KDM4C: variants seen among roughly 807,000 people sequenced by gnomAD.
KDM4C encodes lysine-specific demethylase 4C.
A neutral mutation model predicts 129.3 loss-of-function variants in KDM4C; 81 were observed. The ratio of observed to expected loss-of-function variants is 0.63; its 90% CI spans 0.52 to 0.75. The LOEUF is 0.75. KDM4C is among the 30% of genes least tolerant of loss of function. KDM4C has a pLI of 0.00. For missense variants in KDM4C, 1,457 were observed against 1,304.0 expected (o/e 1.12, Z -1.81); for synonymous variants, 573 against 456.1 (o/e 1.26, Z -3.26).
At chr9:6,862,484 G>T (rs1481573203) in intron 5 of KDM4C, among the ~76,000 whole-genome samples, 2 of 152,074 alleles carry the variant, frequency 1.3e-5, no homozygotes, top group Non-Finnish European at 2.9e-5. Flanking sequence ...CTGTAAAGAA[G>T]CTGTACAGGT....
chr9:6,974,978 A>G (rs1032019549), intron 8 of KDM4C: 2 of 152,242 alleles, frequency 1.3e-5, no homozygotes, highest in African/African-American at 4.8e-5. Context: ...AATAATTTCT[A>G]CTGAATCTTT....
At chr9:7,065,352 A>G (rs1258609252) in intron 17 of KDM4C, among the ~76,000 whole-genome samples, 1 of 152,152 alleles carries the variant, frequency 6.6e-6, no homozygotes, top group Non-Finnish European at 1.5e-5. Flanking sequence ...AAGTAGTCAA[A>G]TAAATTGACT....
rs559314934 is a variant in KDM4C at position 6,758,578 on chromosome 9, C to G, written c.-18+375C>G. ...CGGCTGTGGCGGACTCCAGGAAGGCCGGGCCTGGTGCACCCCTCGGGGCCC... is the reference window on the plus strand; with the variant it reads ...CGGCTGTGGCGGACTCCAGGAAGGCGGGGCCTGGTGCACCCCTCGGGGCCC... On this transcript the variant is annotated intron_variant, in intron 1 of 21. Transcript: ENST00000381309. This position sits in a 1 kb window ranked among gnomAD's most constrained non-coding sequence, Gnocchi z 4.6. 1.3e-5 allele frequency among the ~76,000 whole-genome samples: 2 copies of G among 152,330 alleles called. No homozygotes were observed. Among genetic ancestry groups the G allele is most frequent in the Admixed American group, 1.3e-4 (2 of 15,302 alleles).
At chr9:6,932,777 T>TG (rs774108620) in intron 8 of KDM4C, among the ~76,000 whole-genome samples, 3 of 152,168 alleles carry the variant, frequency 2.0e-5, no homozygotes, top group Admixed American at 6.5e-5. Flanking sequence ...GATTGCATGA[T>TG]GGGGGAGGTG....
intron 1 of KDM4C, among the ~76,000 whole-genome samples, chr9:6,732,961 C>T (rs769537992): frequency 3.3e-5 from 5 of 151,470 alleles, no homozygotes; most frequent in Admixed American, 6.6e-5. Flanking sequence ...TGCAGTCAGC[C>T]GAGATCATGC....
At chr9:7,004,173 G>A (rs1214677974) in intron 12 of KDM4C, among the ~76,000 whole-genome samples, 1 of 152,194 alleles carries the variant, frequency 6.6e-6, no homozygotes, top group African/African-American at 2.4e-5. Context: ...CCTGGCAGCA[G>A]CCCTTTCACA....
At chr9:6,791,597 GTAAAC>G (rs1259326445) in intron 1 of KDM4C, among the ~76,000 whole-genome samples, 5 of 152,224 alleles carry the variant, frequency 3.3e-5, no homozygotes, top group Non-Finnish European at 7.3e-5. Context: ...GCACACCTGA[GTAAAC>G]TAACGATTTT....
chr9:6,864,203 C>G (rs1418590957), intron 5 of KDM4C, among the ~76,000 whole-genome samples: 1 of 152,098 alleles, frequency 6.6e-6, no homozygotes, highest in Admixed American at 6.5e-5. Flanking sequence ...ATGGCAAATT[C>G]TCTCAGCTTT....
At chr9:6,830,335 G>A (rs1165191147) in intron 4 of KDM4C, among the ~76,000 whole-genome samples, 1 of 152,166 alleles carries the variant, frequency 6.6e-6, no homozygotes, top group Non-Finnish European at 1.5e-5. Flanking sequence ...AGGGTAGAGA[G>A]CAGCAGGTCT....
chr9:6,972,032 A>G (rs1009912599), intron 8 of KDM4C, among the ~76,000 whole-genome samples: 1 of 152,170 alleles, frequency 6.6e-6, no homozygotes, highest in Admixed American at 6.6e-5. Flanking sequence ...TAGTGTTGAA[A>G]ACAACTGAGA....
intron 1 of KDM4C, among the ~76,000 whole-genome samples, chr9:6,772,848 C>G (rs886867832): frequency 8.5e-5 from 12 of 141,390 alleles, no homozygotes; most frequent in African/African-American, 2.9e-4. Context: ...GCGTGCCACC[C>G]CCATGCCTGG....
chr9:6,749,064 G>C (rs565233974), intron 1 of KDM4C: 7 of 532,302 alleles, frequency 1.3e-5, no homozygotes, highest in African/African-American at 9.7e-5. Context: ...TTGTTGCCCA[G>C]GCTGGAGTGC....
At chr9:6,958,739 CA>C (rs1829536872) in intron 8 of KDM4C, among the ~76,000 whole-genome samples, 2 of 144,036 alleles carry the variant, frequency 1.4e-5, no homozygotes, top group Non-Finnish European at 3.0e-5. Flanking sequence ...GGCTAGAGTG[CA>C]GTGGCATGTT....
At chr9:7,005,630 C>T (rs1563969386) in intron 12 of KDM4C, among the ~76,000 whole-genome samples, 2 of 152,176 alleles carry the variant, frequency 1.3e-5, no homozygotes, top group East Asian at 3.9e-4. Flanking sequence ...AAATTTTTCC[C>T]ACCAGCCTGA....
chr9:6,997,885 C>T (rs1481489940), intron 12 of KDM4C, among the ~76,000 whole-genome samples: 1 of 152,190 alleles, frequency 6.6e-6, no homozygotes, highest in Non-Finnish European at 1.5e-5. Context: ...TATAACTCTT[C>T]AACTATAATT....
chr9:7,163,068 C>T (rs563581035), intron 19 of KDM4C, among the ~76,000 whole-genome samples: 145 of 152,136 alleles, frequency 9.5e-4, no homozygotes, highest in African/African-American at 3.3e-3. Context: ...AGTGCAGGCT[C>T]CTCTCCGTGG....
intron 2 of KDM4C, among the ~76,000 whole-genome samples, chr9:6,796,991 AT>A (rs34065981): frequency 0.2 from 28,367 of 143,682 alleles, 2,970 homozygotes; most frequent in African/African-American, 0.29. Flanking sequence ...TTAATGCACT[AT>A]TTTTTTTTTT....
chr9:6,984,679 C>T (rs75123995), intron 10 of KDM4C, among the ~76,000 whole-genome samples: 4 of 147,910 alleles, frequency 2.7e-5, no homozygotes, highest in South Asian at 2.1e-4. Context: ...TTTTTTTTTT[C>T]GTGCAACTCA....
chr9:6,760,640 T>G (rs1399537662), intron 1 of KDM4C, among the ~76,000 whole-genome samples: 2 of 151,876 alleles, frequency 1.3e-5, no homozygotes, highest in Non-Finnish European at 2.9e-5. Context: ...GCACGATCTC[T>G]GCTCACTGCA....
Sources: allele counts gnomAD v4.1 joint callset (sites outside exome capture counted in the v4.1 genomes callset), GRCh38; gene constraint gnomAD v4.1.1; non-coding constraint Gnocchi (gnomAD v3.1); transcripts MANE v1.5; gene names NCBI Gene and HGNC (gene_info 2026-07-23, HGNC 2026-07-21).